The following GPR160 variants were observed in gnomAD, a reference collection of about 807,000 sequenced individuals.
The protein encoded by GPR160 is probable G protein-coupled receptor 160.
Under a neutral mutation model 2.6 loss-of-function variants are expected in GPR160, and 2 were observed. The ratio of observed to expected loss-of-function variants is 0.77; its 90% CI spans 0.32 to 2.44. The LOEUF is 2.44. GPR160 is among the 30% of genes most tolerant of loss of function. GPR160 has a pLI of 0.11. For synonymous variants in GPR160, 130 were observed against 132.2 expected (o/e 0.98, Z 0.12); for missense variants, 351 against 383.6 (o/e 0.91, Z 0.71).
intron 2 of GPR160, among the ~76,000 whole-genome samples, chr3:170,059,064 T>G (rs1936559524): frequency 6.6e-6 from 1 of 151,364 alleles, no homozygotes; most frequent in Non-Finnish European, 1.5e-5. Flanking sequence ...CACACACTTA[T>G]TTTTGCAGAA....
Position 170,041,729 on chromosome 3 carries a change from A to T in GPR160, c.-193+2686A>T, listed in dbSNP as rs560976718. On this transcript the variant is annotated intron_variant, in intron 2 of 3. Coordinates refer to ENST00000355897, the MANE Select transcript of GPR160 (RefSeq NM_014373.3). ...TTCATGATGGTTCTTAAATGAAGTG[A>T]AATTGTTTGGTTTGTGGCTCTGTTT... 4.6e-5 allele frequency among the ~76,000 whole-genome samples: 7 copies of T among 152,336 alleles called. No homozygotes were observed. In the East Asian group the frequency reaches 9.6e-4, roughly 21 times the overall value.
At chr3:170,076,434 T>C (rs1712851342) in intron 2 of GPR160, among the ~76,000 whole-genome samples, 1 of 152,196 alleles carries the variant, frequency 6.6e-6, no homozygotes. Flanking sequence ...ATTTACCTTT[T>C]GGAGGGATAA....
chr3:170,047,938 A>G (rs900588350), intron 2 of GPR160, among the ~76,000 whole-genome samples: 6 of 151,054 alleles, frequency 4.0e-5, no homozygotes, highest in African/African-American at 1.5e-4. Flanking sequence ...CCCAGGTTCA[A>G]GCGATTCTCC....
chr3:170,056,829 A>G (rs985987322), intron 2 of GPR160, among the ~76,000 whole-genome samples: 1 of 152,236 alleles, frequency 6.6e-6, no homozygotes, highest in African/African-American at 2.4e-5. Flanking sequence ...CCTATGGGCC[A>G]TGGTGAATCA....
intron 2 of GPR160, among the ~76,000 whole-genome samples, chr3:170,072,569 T>G (rs1042426869): frequency 5.9e-5 from 9 of 152,146 alleles, no homozygotes; most frequent in Admixed American, 5.9e-4. Flanking sequence ...CAGCATCTGC[T>G]TCTGTTGAGG....
chr3:170,043,868 G>A (rs1036972926), intron 2 of GPR160, among the ~76,000 whole-genome samples: 2 of 151,864 alleles, frequency 1.3e-5, no homozygotes, highest in Non-Finnish European at 2.9e-5. Flanking sequence ...GATTCCCAAC[G>A]GCAATACTAG....
At chr3:170,083,162 G>A (rs929383015) in intron 3 of GPR160, among the ~76,000 whole-genome samples, 10 of 151,094 alleles carry the variant, frequency 6.6e-5, no homozygotes, top group Admixed American at 5.3e-4. Flanking sequence ...TCTTTTTCCT[G>A]CTTCCAAAAT....
chr3:170,048,592 C>G (rs1716831373), intron 2 of GPR160, among the ~76,000 whole-genome samples: 2 of 152,100 alleles, frequency 1.3e-5, no homozygotes, highest in South Asian at 4.2e-4. Context: ...AACCTTGGAT[C>G]CCATTTCACA....
At chr3:170,051,969 A>C (rs1716975466) in intron 2 of GPR160, among the ~76,000 whole-genome samples, 1 of 152,156 alleles carries the variant, frequency 6.6e-6, no homozygotes, top group South Asian at 2.1e-4. Flanking sequence ...TCTGTCACCC[A>C]GGCTGGAGTG....
intron 2 of GPR160, among the ~76,000 whole-genome samples, chr3:170,051,810 A>G (rs777583634): frequency 3.3e-5 from 5 of 152,218 alleles, no homozygotes; most frequent in Non-Finnish European, 5.9e-5. Context: ...TGCCTTTTAA[A>G]GAAAAAAAAA....
chr3:170,074,555 C>G (rs185112155), intron 2 of GPR160, among the ~76,000 whole-genome samples: 1 of 152,006 alleles, frequency 6.6e-6, no homozygotes, highest in African/African-American at 2.4e-5. Context: ...AATCTTGGCT[C>G]ACCACAACCT....
At chr3:170,079,265 C>G (rs1318543273) in intron 2 of GPR160, among the ~76,000 whole-genome samples, 2 of 152,210 alleles carry the variant, frequency 1.3e-5, no homozygotes, top group Non-Finnish European at 2.9e-5. Flanking sequence ...CGTTGCTCGA[C>G]TAGGGTCTGT....
chr3:170,045,408 CAAAAAAAAAAAAAAAAAAAAAA>C (rs368019452), intron 2 of GPR160, among the ~76,000 whole-genome samples: 104 of 33,664 alleles, frequency 3.1e-3, no homozygotes, highest in East Asian at 4.3e-3. Context: ...ACTAAAAATA[CAAAAAAAAAAAAAAAAAAAAAA>C]AAAAAAAAAA....
intron 2 of GPR160, among the ~76,000 whole-genome samples, chr3:170,042,608 G>T (rs2108306675): frequency 6.7e-6 from 1 of 149,168 alleles, no homozygotes; most frequent in Admixed American, 6.7e-5. Flanking sequence ...AGGAAGGTTT[G>T]CTTGAGGCCA....
At chr3:170,062,984 A>G (rs1300555960) in intron 2 of GPR160, 2 of 243,638 alleles carry the variant, frequency 8.2e-6, no homozygotes, top group East Asian at 2.3e-4. Context: ...ATCTCCGTGG[A>G]TCTCCACAGT....
intron 2 of GPR160, among the ~76,000 whole-genome samples, chr3:170,046,456 C>T (rs947142043): frequency 1.3e-5 from 2 of 152,134 alleles, no homozygotes; most frequent in Admixed American, 6.5e-5. Flanking sequence ...GCTATGCCAC[C>T]GCCTGGCAGG....
At position 170,083,912 on chromosome 3, in the gene GPR160, A is replaced by C; in HGVS notation, c.-61A>C. The C allele has an allele frequency of 1.1e-6, 1 of 943,376 alleles. No homozygotes were observed. Among genetic ancestry groups the C allele is most frequent in the Non-Finnish European group, 1.5e-6 (1 of 669,146 alleles). The allele number at this position is 943,376 out of a possible 1,614,324, so 58.4% of individuals were successfully genotyped here. The stretch of plus-strand genomic sequence containing the variant: ...TTTTCACTTTTTTTGCAGGGACAGA[A>C]AATGAAGCAGTGTTTTATCATGTGT... On this transcript the variant is annotated 5_prime_UTR_variant, in exon 4 of 4. Transcript: ENST00000355897.
intron 2 of GPR160, among the ~76,000 whole-genome samples, chr3:170,075,549 A>G (rs1712810688): frequency 6.6e-6 from 1 of 152,164 alleles, no homozygotes; most frequent in Non-Finnish European, 1.5e-5. Context: ...TCACATGGTC[A>G]CTCAAGGACC....
At chr3:170,082,847 G>A in intron 3 of GPR160, among the ~76,000 whole-genome samples, 1 of 151,334 alleles carries the variant, frequency 6.6e-6, no homozygotes, top group Admixed American at 6.6e-5. Context: ...CTCCTGCCTT[G>A]GCCTCTCAAA....
Sources: gnomAD v4.1 joint callset for allele counts (sites outside exome capture counted in the v4.1 genomes callset) on GRCh38, gnomAD v4.1.1 for gene constraint, MANE v1.5 for transcripts, NCBI Gene and HGNC (gene_info 2026-07-23, HGNC 2026-07-21) for gene names.